ATP1B3: variants seen among roughly 807,000 people sequenced by gnomAD.
ATP1B3 encodes the protein sodium/potassium-transporting ATPase subunit beta-3.
Under a neutral mutation model 30.2 loss-of-function variants are expected in ATP1B3, and 10 were observed. That is an observed-to-expected ratio of 0.33 (90% CI 0.20 to 0.56). The LOEUF (loss-of-function observed/expected upper bound fraction) is 0.56, where lower values mean the gene tolerates loss of function less well. Among genes scored for constraint, ATP1B3 ranks in the 20% least tolerant of loss-of-function variants. ATP1B3 has a pLI of 0.90. For missense variants in ATP1B3, 238 were observed against 336.7 expected (o/e 0.71, Z 2.29); for synonymous variants, 113 against 117.0 (o/e 0.97, Z 0.22).
At chr3:141,891,541 C>G (rs1933953267) in intron 1 of ATP1B3, among the ~76,000 whole-genome samples, 1 of 152,050 alleles carries the variant, frequency 6.6e-6, no homozygotes, top group African/African-American at 2.4e-5. Flanking sequence ...ATTGAAAACA[C>G]TTTTGATCAA....
At chr3:141,885,114 A>G (rs2107764154) in intron 1 of ATP1B3, among the ~76,000 whole-genome samples, 2 of 152,250 alleles carry the variant, frequency 1.3e-5, no homozygotes, top group South Asian at 4.1e-4. Flanking sequence ...TTGCAGTTTT[A>G]AAAAACAGCT....
At chr3:141,903,527 G>A (rs186982708) in intron 1 of ATP1B3, 93 bp from the exon 2 acceptor site, 1,104 of 1,554,824 alleles carry the variant, frequency 7.1e-4, no homozygotes, top group Non-Finnish European at 8.5e-4. Context: ...TCGTACCCTT[G>A]CAAGAACAGT....
chr3:141,889,750 A>T (rs796816091), intron 1 of ATP1B3, among the ~76,000 whole-genome samples: 29,753 of 78,428 alleles, frequency 0.38, 5,751 homozygotes, highest in African/African-American at 0.56. Flanking sequence ...AAAAAAAAAA[A>T]ATATATACAC....
intron 5 of ATP1B3, among the ~76,000 whole-genome samples, chr3:141,916,965 G>A (rs917095606): frequency 6.6e-6 from 1 of 151,646 alleles, no homozygotes; most frequent in African/African-American, 2.4e-5. Flanking sequence ...GGTTCACGCG[G>A]TTCTCCTGCC....
In ATP1B3 at chr3:141,916,075, T is replaced by C. The variant is rs961503682; in HGVS notation, c.582+55T>C. ...ATCTTTGATGTTTCTTAAAATACTT[T>C]AAAAGTCTAATGATTTAGTCATCTT... On this transcript the variant is annotated intron_variant, in intron 5 of 6. Coordinates refer to ENST00000286371, the MANE Select transcript of ATP1B3 (RefSeq NM_001679.4). The C allele has an allele frequency of 2.0e-6, 3 of 1,464,108 alleles. No individual in the cohort carries two copies. The African/African-American group carries it at 4.2e-5, about 21-fold the overall frequency. The allele number at this position is 1,464,108 out of a possible 1,614,324, so 90.7% of individuals were successfully genotyped here.
intron 5 of ATP1B3, among the ~76,000 whole-genome samples, chr3:141,917,332 A>G (rs1211158178): frequency 6.6e-6 from 1 of 152,100 alleles, no homozygotes; most frequent in African/African-American, 2.4e-5. Context: ...TTGAAATTAT[A>G]TGTGTGTGAC....
rs1934654787 is a variant in ATP1B3 at position 141,926,066 on chromosome 3, T to G, written c.*365T>G. 1 of 170,446 alleles carries G rather than the reference T, an allele frequency of 5.9e-6. No individual in the cohort carries two copies. Among genetic ancestry groups the G allele is most frequent in the Non-Finnish European group, 1.3e-5 (1 of 79,976 alleles). The allele number at this position is 170,446 out of a possible 1,614,324, so 10.6% of individuals were successfully genotyped here. A position where few individuals can be genotyped will look rare whatever the true frequency, so the allele number is the denominator to read the frequency against. On this transcript the variant is annotated 3_prime_UTR_variant, in exon 7 of 7. Coordinates refer to ENST00000286371, the MANE Select transcript of ATP1B3 (RefSeq NM_001679.4). ...GGATATAACAACTGTCATATTTTGA[T>G]GTCAACAGAGTTTTAGGGATAAAAT...
At chr3:141,900,861 C>G (rs113623438) in intron 1 of ATP1B3, among the ~76,000 whole-genome samples, 3,498 of 152,230 alleles carry the variant, frequency 0.023, 146 homozygotes, top group African/African-American at 0.08. Flanking sequence ...CGGCTCACTG[C>G]AGCCTCTGCC....
chr3:141,893,126 A>C (rs1403222961), intron 1 of ATP1B3, among the ~76,000 whole-genome samples: 3 of 152,030 alleles, frequency 2.0e-5, no homozygotes, highest in African/African-American at 7.3e-5. Context: ...CTCCTGCCTC[A>C]GCCTCTCGAG....
chr3:141,888,717 G>A (rs749446306), intron 1 of ATP1B3, among the ~76,000 whole-genome samples: 3 of 152,100 alleles, frequency 2.0e-5, no homozygotes, highest in Non-Finnish European at 1.5e-5. Context: ...AATCATGGGG[G>A]CAGGTCTTTC....
intron 1 of ATP1B3, among the ~76,000 whole-genome samples, chr3:141,877,786 C>A (rs1225550957): frequency 6.7e-6 from 1 of 149,252 alleles, no homozygotes; most frequent in Non-Finnish European, 1.5e-5. Context: ...CTTTAGGATG[C>A]CTTTTTTTCC....
At chr3:141,877,230 C>CCT (rs1354846517) in intron 1 of ATP1B3, among the ~76,000 whole-genome samples, 1 of 151,952 alleles carries the variant, frequency 6.6e-6, no homozygotes, top group Non-Finnish European at 1.5e-5. Flanking sequence ...GCCGGGGACC[C>CCT]CTGCCCGAAG....
At chr3:141,891,278 A>G (rs748830006) in intron 1 of ATP1B3, among the ~76,000 whole-genome samples, 9 of 152,166 alleles carry the variant, frequency 5.9e-5, no homozygotes, top group African/African-American at 1.4e-4. Flanking sequence ...ATTTGTGTCA[A>G]TACTACCTGT....
chr3:141,916,157 A>G, intron 5 of ATP1B3, 137 bp downstream of exon 5: 1 of 682,824 alleles, frequency 1.5e-6, no homozygotes, highest in East Asian at 2.8e-5. Flanking sequence ...ATAAAATTCC[A>G]CCAACCGTAG....
chr3:141,903,501 A>G (rs1934205509), intron 1 of ATP1B3, 119 bp from the exon 2 acceptor site: 3 of 1,434,934 alleles, frequency 2.1e-6, no homozygotes, highest in Non-Finnish European at 2.8e-6. Flanking sequence ...GGCTATGTGC[A>G]TGGCAAAGCT....
intron 5 of ATP1B3, chr3:141,916,441 G>A (rs1419799857): frequency 1.5e-6 from 1 of 655,500 alleles, no homozygotes; most frequent in South Asian, 1.5e-5. Flanking sequence ...TTTCCTTAAG[G>A]TAGAAGCATT....
intron 5 of ATP1B3, chr3:141,919,080 G>A (rs1451686894): frequency 6.6e-6 from 1 of 152,146 alleles, no homozygotes; most frequent in Non-Finnish European, 1.5e-5. Context: ...CAGAACAGAT[G>A]GAAGCATTTA....
chr3:141,904,985 A>G (rs1421954882), intron 2 of ATP1B3, among the ~76,000 whole-genome samples: 2 of 152,178 alleles, frequency 1.3e-5, no homozygotes, highest in African/African-American at 2.4e-5. Context: ...TGCTGGGATT[A>G]CAGGGGTGAG....
In ATP1B3 at chr3:141,905,130, A is replaced by C. The variant is rs1934240411; in HGVS notation, c.238+1382A>C. On this transcript the variant is annotated intron_variant, in intron 2 of 6. Transcript: ENST00000286371. ...CAGAACTTCAGTGTGTATAATTCCA[A>C]AGACTGTAAACTAACTGCTATAGAT... 2.0e-5 allele frequency among the ~76,000 whole-genome samples: 3 copies of C among 152,150 alleles called. No individual in the cohort carries two copies. The South Asian group carries it at 6.2e-4, about 31-fold the overall frequency.
Sources: allele counts gnomAD v4.1 joint callset (sites outside exome capture counted in the v4.1 genomes callset), GRCh38; gene constraint gnomAD v4.1.1; transcripts MANE v1.5; gene names NCBI Gene and HGNC (gene_info 2026-07-23, HGNC 2026-07-21).